CNTN4: variants seen among roughly 807,000 people sequenced by gnomAD.
The protein encoded by CNTN4 is contactin 4, also known as contactin-4.
Under a neutral mutation model 122.5 loss-of-function variants are expected in CNTN4, and 77 were observed. That is an observed-to-expected ratio of 0.63 (90% confidence interval 0.52 to 0.76). The LOEUF is 0.76. Among genes scored for constraint, CNTN4 ranks in the 30% least tolerant of loss-of-function variants. The probability of loss-of-function intolerance (pLI) is 0.00; values close to 1 mark genes in which losing one functional copy is unlikely to be tolerated. For synonymous variants in CNTN4, 512 were observed against 447.0 expected, an observed-to-expected ratio of 1.15 and a Z score of -1.83; for missense variants, 1,256 against 1,259.1, an observed-to-expected ratio of 1.00 and a Z score of 0.04.
chr3:2,784,138 C>G (rs75591883), intron 6 of CNTN4, among the ~76,000 whole-genome samples: 15 of 151,974 alleles, frequency 9.9e-5, no homozygotes, highest in Non-Finnish European at 4.4e-5. Context: ...AGCAACCAGC[C>G]TTTTTTACTA....
chr3:2,475,031 G>T (rs1045897301), intron 3 of CNTN4, among the ~76,000 whole-genome samples: 1 of 152,100 alleles, frequency 6.6e-6, no homozygotes, highest in Non-Finnish European at 1.5e-5. Context: ...TGAGAAGGAG[G>T]TATTTTACCT....
chr3:2,984,643 G>A (rs561478619), intron 13 of CNTN4, among the ~76,000 whole-genome samples: 6 of 152,274 alleles, frequency 3.9e-5, no homozygotes, highest in African/African-American at 9.6e-5. Context: ...GCTTGTTTCC[G>A]TATTCATTTC....
chr3:2,167,497 T>A (rs1435986649), intron 2 of CNTN4, among the ~76,000 whole-genome samples: 8 of 152,186 alleles, frequency 5.3e-5, no homozygotes, highest in Non-Finnish European at 1.2e-4. Flanking sequence ...CACATTATGA[T>A]GAATTGGAAA....
chr3:2,253,437 G>C (rs1053248565), intron 2 of CNTN4, among the ~76,000 whole-genome samples: 1 of 152,000 alleles, frequency 6.6e-6, no homozygotes, highest in African/African-American at 2.4e-5. Flanking sequence ...CGAAACAAAA[G>C]AACAAATATT....
chr3:2,308,797 T>G (rs1223178181), intron 2 of CNTN4, among the ~76,000 whole-genome samples: 1 of 152,102 alleles, frequency 6.6e-6, no homozygotes, highest in Non-Finnish European at 1.5e-5. Flanking sequence ...TGTTGTATCA[T>G]TTTTTATATT....
intron 2 of CNTN4, among the ~76,000 whole-genome samples, chr3:2,336,457 G>A (rs1370014843): frequency 6.6e-6 from 1 of 152,112 alleles, no homozygotes; most frequent in Non-Finnish European, 1.5e-5. Flanking sequence ...TAGGTTGTTA[G>A]CATTGTGACT....
chr3:2,675,304 C>T (rs142622543), intron 4 of CNTN4, among the ~76,000 whole-genome samples: 49 of 152,124 alleles, frequency 3.2e-4, no homozygotes, highest in Non-Finnish European at 4.7e-4. Flanking sequence ...TTTCAGGCTC[C>T]GGGACTTTTG....
chr3:2,426,019 G>A (rs991907783), intron 3 of CNTN4, among the ~76,000 whole-genome samples: 1 of 152,098 alleles, frequency 6.6e-6, no homozygotes, highest in Admixed American at 6.6e-5. Context: ...GCAAGCAGGG[G>A]CAATTTGACT....
chr3:3,054,720 T>C (rs1230013357), intron 24 of CNTN4, among the ~76,000 whole-genome samples: 1 of 152,222 alleles, frequency 6.6e-6, no homozygotes, highest in East Asian at 1.9e-4. Context: ...GTTTAGGCAC[T>C]GGGTCTTCAT....
chr3:2,621,495 C>CG (rs962535182), intron 4 of CNTN4, among the ~76,000 whole-genome samples: 13 of 148,310 alleles, frequency 8.8e-5, no homozygotes, highest in Non-Finnish European at 1.8e-4. Context: ...CGGGGCCTGT[C>CG]GGGGGGTGGG....
chr3:2,636,522 G>A (rs1442977720), intron 4 of CNTN4, among the ~76,000 whole-genome samples: 1 of 152,144 alleles, frequency 6.6e-6, no homozygotes, highest in Non-Finnish European at 1.5e-5. Flanking sequence ...TAGAATTGAA[G>A]TGTTTTAGAA....
intron 4 of CNTN4, among the ~76,000 whole-genome samples, chr3:2,575,962 G>A (rs773509445): frequency 2.0e-4 from 31 of 151,460 alleles, no homozygotes; most frequent in Non-Finnish European, 3.7e-4. Context: ...AGTCTTCCAA[G>A]TAGCTGGGAC....
chr3:2,394,813 A>G (rs6787394), intron 3 of CNTN4, among the ~76,000 whole-genome samples: 25,732 of 136,744 alleles, frequency 0.19, 3,032 homozygotes, highest in Middle Eastern at 0.29. Flanking sequence ...TTTTGAGACA[A>G]TCTCGCTCTG....
chr3:2,992,827 T>C (rs977468594), intron 14 of CNTN4, among the ~76,000 whole-genome samples: 4 of 152,152 alleles, frequency 2.6e-5, no homozygotes, highest in Non-Finnish European at 5.9e-5. Flanking sequence ...TGGGAAACAC[T>C]GTCCTACACC....
intron 3 of CNTN4, among the ~76,000 whole-genome samples, chr3:2,445,211 T>G (rs1314593531): frequency 2.0e-5 from 3 of 152,126 alleles, no homozygotes; most frequent in African/African-American, 7.2e-5. Context: ...GAAAGAATGA[T>G]GATAACCCGA....
chr3:2,839,673 A>C (rs1289995023), intron 7 of CNTN4, among the ~76,000 whole-genome samples: 1 of 152,180 alleles, frequency 6.6e-6, no homozygotes, highest in Non-Finnish European at 1.5e-5. Context: ...TGAGGAAGTA[A>C]AGAGTACACA....
chr3:2,738,997 A>G (rs1157455882), intron 5 of CNTN4, among the ~76,000 whole-genome samples: 1 of 152,146 alleles, frequency 6.6e-6, no homozygotes, highest in Non-Finnish European at 1.5e-5. Flanking sequence ...TATATTTGTT[A>G]TGGGTAAGGG....
chr3:2,445,374 A>G (rs970535823), intron 3 of CNTN4, among the ~76,000 whole-genome samples: 7 of 129,998 alleles, frequency 5.4e-5, no homozygotes, highest in African/African-American at 2.1e-4. Context: ...CTGGGAGAAG[A>G]AAGGTGACAG....
chr3:3,046,780 A>C (rs1324757421), intron 23 of CNTN4, among the ~76,000 whole-genome samples: 1 of 150,800 alleles, frequency 6.6e-6, no homozygotes, highest in Non-Finnish European at 1.5e-5. Flanking sequence ...ACATAACAAT[A>C]TTAACCTTAA....
Sources: gnomAD v4.1 joint callset for allele counts (sites outside exome capture counted in the v4.1 genomes callset) on GRCh38, gnomAD v4.1.1 for gene constraint, MANE v1.5 for transcripts, NCBI Gene and HGNC (gene_info 2026-07-23, HGNC 2026-07-21) for gene names.